Variants in TMC1 observed in about 807,000 individuals in gnomAD.
The protein encoded by TMC1 is transmembrane channel-like protein 1.
A neutral mutation model predicts 105.8 loss-of-function variants in TMC1; 84 were observed. The observed-to-expected ratio is 0.79, with a 90% CI of 0.67 to 0.95. The LOEUF (loss-of-function observed/expected upper bound fraction) is 0.95, where lower values mean the gene tolerates loss of function less well. Ranked by LOEUF, TMC1 falls within the 40% of genes least tolerant of loss-of-function variation. The pLI is 0.00. For synonymous variants in TMC1, 315 were observed against 311.5 expected (o/e 1.01, Z -0.12); for missense variants, 817 against 914.1 (o/e 0.89, Z 1.37).
chr9:72,738,124 T>G (rs1827330911), intron 8 of TMC1, among the ~76,000 whole-genome samples: 1 of 149,340 alleles, frequency 6.7e-6, no homozygotes, highest in Non-Finnish European at 1.5e-5. Context: ...CTGTGGTCAA[T>G]GCAATGGTCA....
chr9:72,743,736 A>C (rs1827439491), intron 10 of TMC1, among the ~76,000 whole-genome samples: 1 of 152,034 alleles, frequency 6.6e-6, no homozygotes, highest in Non-Finnish European at 1.5e-5. Flanking sequence ...GGAAGGAAGG[A>C]AGGAGAATAT....
intron 2 of TMC1, among the ~76,000 whole-genome samples, chr9:72,597,155 A>G (rs1290354221): frequency 1.3e-5 from 2 of 152,192 alleles, no homozygotes; most frequent in African/African-American, 4.8e-5. Context: ...TTTTTTTGTA[A>G]AATACTTTCT....
intron 1 of TMC1, among the ~76,000 whole-genome samples, chr9:72,527,522 TCTGCCCTCCTCCCTTG>T (rs1218378244): frequency 6.6e-6 from 1 of 152,132 alleles, no homozygotes; most frequent in African/African-American, 2.4e-5. Context: ...GCCTCTTTCC[TCTGCCCTCCTCCCTTG>T]CTGCCCTCCC....
chr9:72,617,945 G>GTGTGTA (rs1447053168), intron 3 of TMC1, among the ~76,000 whole-genome samples: 1 of 130,388 alleles, frequency 7.7e-6, no homozygotes, highest in African/African-American at 3.0e-5. Flanking sequence ...GTGTGTGTGT[G>GTGTGTA]TGTGTATGTG....
intron 8 of TMC1, among the ~76,000 whole-genome samples, chr9:72,708,093 TGGG>T (rs1826774190): frequency 6.6e-6 from 1 of 152,220 alleles, no homozygotes; most frequent in Non-Finnish European, 1.5e-5. Flanking sequence ...GATTTATTTC[TGGG>T]TTCTCTATTC....
intron 3 of TMC1, among the ~76,000 whole-genome samples, chr9:72,620,408 A>G (rs549055928): frequency 6.7e-6 from 1 of 149,976 alleles, no homozygotes; most frequent in Non-Finnish European, 1.5e-5. Context: ...ATGCCTGGCT[A>G]ATTAAAAAAA....
At chr9:72,770,705 G>A (rs1827911754) in intron 12 of TMC1, among the ~76,000 whole-genome samples, 2 of 152,190 alleles carry the variant, frequency 1.3e-5, no homozygotes, top group African/African-American at 4.8e-5. Flanking sequence ...CCTGACATCT[G>A]CAAGCTGGAG....
chr9:72,560,104 G>A (rs1399840676), intron 1 of TMC1, among the ~76,000 whole-genome samples: 2 of 152,180 alleles, frequency 1.3e-5, no homozygotes, highest in Admixed American at 6.5e-5. Context: ...CCCTATGTTT[G>A]CTTGTAGCTT....
At chr9:72,743,048 C>T (rs1827417859) in intron 10 of TMC1, among the ~76,000 whole-genome samples, 1 of 151,996 alleles carries the variant, frequency 6.6e-6, no homozygotes, top group South Asian at 2.1e-4. Flanking sequence ...CCAGCCTGGC[C>T]AGCGTGGTGA....
intron 8 of TMC1, among the ~76,000 whole-genome samples, chr9:72,735,995 G>A (rs1477020797): frequency 2.6e-5 from 4 of 152,112 alleles, no homozygotes; most frequent in Non-Finnish European, 4.4e-5. Flanking sequence ...ATAAAACTTG[G>A]TGGGGGTGCT....
chr9:72,625,687 CAAA>C (rs554543865), intron 3 of TMC1, among the ~76,000 whole-genome samples: 2 of 70,704 alleles, frequency 2.8e-5, no homozygotes, highest in African/African-American at 4.9e-5. Context: ...GACTCTGTCT[CAAA>C]AAAAAAAAAA....
At chr9:72,570,156 C>A (rs146903105) in intron 1 of TMC1, among the ~76,000 whole-genome samples, 1 of 151,552 alleles carries the variant, frequency 6.6e-6, no homozygotes, top group African/African-American at 2.4e-5. Flanking sequence ...TAGTTATTGG[C>A]TTCTGAGAAC....
At chr9:72,562,376 C>G (rs536504845) in intron 1 of TMC1, among the ~76,000 whole-genome samples, 1 of 152,158 alleles carries the variant, frequency 6.6e-6, no homozygotes, top group African/African-American at 2.4e-5. Context: ...GAAAACAGTG[C>G]TCTCATGTAA....
intron 2 of TMC1, among the ~76,000 whole-genome samples, chr9:72,582,378 C>T (rs1191919721): frequency 6.6e-6 from 1 of 152,190 alleles, no homozygotes; most frequent in Non-Finnish European, 1.5e-5. Flanking sequence ...ACTTAGCTCC[C>T]TACCTTCCCC....
chr9:72,722,147 GA>G (rs1478485849), intron 8 of TMC1, among the ~76,000 whole-genome samples: 1 of 152,042 alleles, frequency 6.6e-6, no homozygotes, highest in Non-Finnish European at 1.5e-5. Flanking sequence ...TGAGAACATT[GA>G]AAACAAAGTT....
intron 8 of TMC1, among the ~76,000 whole-genome samples, chr9:72,727,160 C>A (rs373076195): frequency 6.6e-6 from 1 of 152,208 alleles, no homozygotes; most frequent in East Asian, 1.9e-4. Flanking sequence ...TCTCTGCCTA[C>A]TCGAATTCTA....
chr9:72,742,363 T>C (rs1827404082), intron 9 of TMC1, 81 bp from the exon 10 acceptor site: 1 of 1,058,414 alleles, frequency 9.4e-7, no homozygotes, highest in South Asian at 1.3e-5. Context: ...CTTACTGCAT[T>C]GTAATGTTTT....
chr9:72,644,872 G>C (rs1825684933), intron 4 of TMC1, among the ~76,000 whole-genome samples: 2 of 152,068 alleles, frequency 1.3e-5, no homozygotes, highest in Admixed American at 6.6e-5. Context: ...CTAGTTTGAG[G>C]CACTAAAAAG....
At chr9:72,673,478 C>A (rs2132170629) in intron 5 of TMC1, among the ~76,000 whole-genome samples, 1 of 152,098 alleles carries the variant, frequency 6.6e-6, no homozygotes, top group South Asian at 2.1e-4. Flanking sequence ...AGGAATTTAT[C>A]AAGAAGAAAC....
Sources: allele counts gnomAD v4.1 joint callset (sites outside exome capture counted in the v4.1 genomes callset), GRCh38; gene constraint gnomAD v4.1.1; transcripts MANE v1.5; gene names NCBI Gene and HGNC (gene_info 2026-07-23, HGNC 2026-07-21).